Variants in ADK observed in about 807,000 individuals in gnomAD.
ADK encodes N6,N6-dimethyladenosine kinase.
A neutral mutation model predicts 44.7 loss-of-function variants in ADK; 24 were observed. The observed-to-expected ratio is 0.54, with a 90% CI of 0.39 to 0.76. The LOEUF is 0.76. ADK is among the 30% of genes least tolerant of loss of function. ADK has a pLI of 0.00. For synonymous variants in ADK, 128 were observed against 142.6 expected (o/e 0.90, Z 0.73); for missense variants, 321 against 425.1 (o/e 0.76, Z 2.15).
At chr10:74,515,789 G>A (rs772227597) in intron 6 of ADK, among the ~76,000 whole-genome samples, 1 of 152,082 alleles carries the variant, frequency 6.6e-6, no homozygotes, top group East Asian at 1.9e-4. Flanking sequence ...GGCTTGCTGT[G>A]GGTAGGACTG....
chr10:74,602,456 A>G (rs557453729), intron 9 of ADK, among the ~76,000 whole-genome samples: 2 of 152,330 alleles, frequency 1.3e-5, no homozygotes, highest in East Asian at 3.9e-4. Context: ...TGTATATTCT[A>G]GATATACATA....
intron 4 of ADK, among the ~76,000 whole-genome samples, chr10:74,342,152 A>G (rs1165421494): frequency 6.6e-6 from 1 of 152,188 alleles, no homozygotes; most frequent in Non-Finnish European, 1.5e-5. Flanking sequence ...AGTGAATTTT[A>G]GAGTCAGTTT....
At chr10:74,215,288 A>G (rs552733791) in intron 2 of ADK, among the ~76,000 whole-genome samples, 4 of 152,346 alleles carry the variant, frequency 2.6e-5, no homozygotes, top group South Asian at 4.1e-4. Flanking sequence ...GCATCATTCT[A>G]TGAAAGCCAT....
chr10:74,280,932 TACTC>T (rs1232365820), intron 3 of ADK, among the ~76,000 whole-genome samples: 12 of 152,350 alleles, frequency 7.9e-5, no homozygotes, highest in African/African-American at 2.6e-4. Flanking sequence ...TCTAGTGAGA[TACTC>T]AGTTAATCAA....
chr10:74,385,185 C>T (rs1843102219), intron 4 of ADK, among the ~76,000 whole-genome samples: 1 of 152,070 alleles, frequency 6.6e-6, no homozygotes, highest in South Asian at 2.1e-4. Flanking sequence ...GAATATATCT[C>T]AATAAATTTT....
intron 1 of ADK, among the ~76,000 whole-genome samples, chr10:74,177,341 A>G (rs561985236): frequency 1.3e-5 from 2 of 152,254 alleles, no homozygotes; most frequent in South Asian, 4.1e-4. Flanking sequence ...ATTGCCCTCA[A>G]GTTGTGAAAT....
At chr10:74,659,680 A>G (rs1028260390) in intron 9 of ADK, among the ~76,000 whole-genome samples, 8 of 152,220 alleles carry the variant, frequency 5.3e-5, no homozygotes, top group African/African-American at 1.4e-4. Flanking sequence ...ACCACCTACA[A>G]GCTAGGAGCA....
chr10:74,479,946 T>C (rs1847004546), intron 6 of ADK, among the ~76,000 whole-genome samples: 1 of 152,104 alleles, frequency 6.6e-6, no homozygotes, highest in South Asian at 2.1e-4. Flanking sequence ...TCTTATTAAA[T>C]GTAATGAGGT....
intron 9 of ADK, among the ~76,000 whole-genome samples, chr10:74,652,687 G>A (rs890829061): frequency 1.3e-5 from 2 of 151,780 alleles, no homozygotes; most frequent in Non-Finnish European, 2.9e-5. Context: ...TTGAACCTGG[G>A]AGGCAGAGGT....
At chr10:74,429,142 A>T (rs1464031012) in intron 6 of ADK, among the ~76,000 whole-genome samples, 1 of 152,254 alleles carries the variant, frequency 6.6e-6, no homozygotes, top group African/African-American at 2.4e-5. Flanking sequence ...AAATTGTCCT[A>T]AAGTTACAGA....
intron 9 of ADK, among the ~76,000 whole-genome samples, chr10:74,618,544 C>A (rs1373724031): frequency 2.0e-5 from 3 of 152,198 alleles, no homozygotes; most frequent in African/African-American, 7.2e-5. Context: ...CCGCCTCGGC[C>A]TCCCAAAGTG....
chr10:74,274,452 C>T (rs896410255), intron 3 of ADK, among the ~76,000 whole-genome samples: 40 of 151,834 alleles, frequency 2.6e-4, no homozygotes, highest in Admixed American at 6.6e-4. Context: ...ATTCCAGCTA[C>T]TCAGGAGGCT....
intron 6 of ADK, among the ~76,000 whole-genome samples, chr10:74,416,840 C>CA (rs1844393411): frequency 6.6e-6 from 1 of 151,682 alleles, no homozygotes; most frequent in African/African-American, 2.4e-5. Flanking sequence ...AATAGTCCAC[C>CA]AAAAATATTT....
intron 9 of ADK, among the ~76,000 whole-genome samples, chr10:74,665,897 T>C (rs574476650): frequency 2.3e-4 from 35 of 152,358 alleles, no homozygotes; most frequent in African/African-American, 8.4e-4. Flanking sequence ...TTCACTTGTA[T>C]CTTCTCAACA....
intron 9 of ADK, among the ~76,000 whole-genome samples, chr10:74,627,608 T>C (rs1417456628): frequency 6.6e-6 from 1 of 151,750 alleles, no homozygotes; most frequent in Non-Finnish European, 1.5e-5. Flanking sequence ...GGGAAAGAAA[T>C]TCACAGTGTT....
chr10:74,639,300 A>T (rs1853742812), intron 9 of ADK, among the ~76,000 whole-genome samples: 2 of 152,230 alleles, frequency 1.3e-5, no homozygotes, highest in African/African-American at 4.8e-5. Flanking sequence ...AAAAGTTTTC[A>T]TATCCTTTTA....
intron 6 of ADK, among the ~76,000 whole-genome samples, chr10:74,425,972 A>G (rs1020501287): frequency 6.6e-6 from 1 of 152,204 alleles, no homozygotes; most frequent in East Asian, 1.9e-4. Context: ...AAATATAGAA[A>G]GAAATAGAAG....
At chr10:74,204,508 T>G (rs1289571623) in intron 2 of ADK, among the ~76,000 whole-genome samples, 1 of 152,102 alleles carries the variant, frequency 6.6e-6, no homozygotes, top group Non-Finnish European at 1.5e-5. Context: ...TGTCAAAGGG[T>G]AAGGCAAGAA....
intron 6 of ADK, among the ~76,000 whole-genome samples, chr10:74,399,649 T>G (rs1273867627): frequency 1.3e-5 from 2 of 152,022 alleles, no homozygotes; most frequent in Non-Finnish European, 2.9e-5. Context: ...ATTTCTCAAA[T>G]TGGTCTCATG....
Sources: allele counts gnomAD v4.1 joint callset (sites outside exome capture counted in the v4.1 genomes callset), GRCh38; gene constraint gnomAD v4.1.1; transcripts MANE v1.5; gene names NCBI Gene and HGNC (gene_info 2026-07-23, HGNC 2026-07-21).